DHX34: variants seen among roughly 807,000 people sequenced by gnomAD.
DHX34 encodes DExH-box helicase 34.
In DHX34, 96 loss-of-function variants were observed where a neutral mutation model predicts 111.1. That is an observed-to-expected ratio of 0.86 (90% CI 0.73 to 1.02). DHX34 has a LOEUF of 1.02. Among genes scored for constraint, DHX34 ranks in the 50% least tolerant of loss-of-function variants. The probability of loss-of-function intolerance (pLI) is 0.00; values close to 1 mark genes in which losing one functional copy is unlikely to be tolerated. For synonymous variants in DHX34, 688 were observed against 670.4 expected (o/e 1.03, Z -0.41); for missense variants, 1,560 against 1,579.9 (o/e 0.99, Z 0.21).
Position 47,355,284 on chromosome 19 carries a change from G to T in DHX34, c.951G>T (p.Ser317=). Reference sequence around the variant, plus strand: ...TCATGTCGGCCACCATCAACATCTCGCTCTTCTCCAGCTATTTCAGCAATG... The same window carrying T: ...TCATGTCGGCCACCATCAACATCTCTCTCTTCTCCAGCTATTTCAGCAATG... The part of the protein sequence containing the change: ...VILMSATINI[S]LFSSYFSNAP... The change falls in exon 3 of 17, where the codon TCG becomes TCT. Residue 317 remains serine (S), a synonymous_variant. Transcript: ENST00000328771. 6.2e-7 allele frequency: 1 copy of T among 1,614,008 alleles called. No individual in the cohort carries two copies. Among genetic ancestry groups the T allele is most frequent in the Admixed American group, 1.7e-5 (1 of 60,000 alleles).
At chr19:47,356,180 A>G (rs1020914311) in intron 3 of DHX34, among the ~76,000 whole-genome samples, 1 of 152,078 alleles carries the variant, frequency 6.6e-6, no homozygotes, top group Non-Finnish European at 1.5e-5. Flanking sequence ...AGACATTGCC[A>G]TATGTTCCCT....
intron 4 of DHX34, among the ~76,000 whole-genome samples, chr19:47,358,363 C>T (rs1279271847): frequency 6.6e-6 from 1 of 152,148 alleles, no homozygotes; most frequent in Admixed American, 6.6e-5. Context: ...GTCCTATCGA[C>T]CATGGGCTCT....
Position 47,382,197 on chromosome 19 carries a change from C to A in DHX34, c.*84C>A. Reference sequence around the variant, plus strand: ...AGGGGCAGGACTCTTGCCTGAACCCCCAGCCTGGGCTTAGCCCTGTGGTCC... The same window carrying A: ...AGGGGCAGGACTCTTGCCTGAACCCACAGCCTGGGCTTAGCCCTGTGGTCC... On this transcript the variant is annotated 3_prime_UTR_variant, in exon 17 of 17. Transcript: ENST00000328771. 1 of 1,556,924 alleles carries A rather than the reference C, an allele frequency of 6.4e-7. No individual in the cohort carries two copies. Among genetic ancestry groups the A allele is most frequent in the Middle Eastern group, 1.9e-4 (1 of 5,210 alleles).
At chr19:47,366,425 C>T (rs557937647) in intron 6 of DHX34, among the ~76,000 whole-genome samples, 2 of 152,208 alleles carry the variant, frequency 1.3e-5, no homozygotes, top group South Asian at 4.1e-4. Flanking sequence ...AGATTACAGG[C>T]ACTCGCCACC....
At chr19:47,381,950 CCT>C (rs1241561422) in intron 16 of DHX34, 28 bp from the exon 17 acceptor site, 17 of 1,613,740 alleles carry the variant, frequency 1.1e-5, no homozygotes, top group Non-Finnish European at 1.4e-5. Flanking sequence ...GGAACACGCC[CCT>C]CACAGCCTCC....
Position 47,352,756 on chromosome 19 carries a change from T to G in DHX34, c.-275T>G. 4.1e-6 allele frequency: 2 copies of G among 486,882 alleles called. No individual in the cohort carries two copies. The highest frequency in any genetic ancestry group is 6.9e-5 in the East Asian group (2 of 29,004). 30.2% of individuals were successfully genotyped at this position (486,882 alleles called of 1,614,324 possible). A position where few individuals can be genotyped will look rare whatever the true frequency, so the allele number is the denominator to read the frequency against. ...TGTCTTCTGTTCTCTCTCTTAAGAA[T>G]CCAGGGCCTGAAAACCCAGAATGAA... On this transcript the variant is annotated splice_region_variant and 5_prime_UTR_variant, in exon 2 of 17. Coordinates refer to ENST00000328771, the MANE Select transcript of DHX34 (RefSeq NM_014681.6).
Position 47,375,619 on chromosome 19 carries a change from C to T in DHX34, c.2218C>T (p.Arg740Trp), listed in dbSNP as rs533613084. The T allele has an allele frequency of 2.8e-5, 44 of 1,550,402 alleles. No individual in the cohort carries two copies. Among genetic ancestry groups the T allele is most frequent in the African/African-American group, 1.9e-4 (14 of 73,518 alleles). The change falls in exon 10 of 17, where the codon CGG (arginine) becomes TGG (tryptophan). Residue 740 changes from arginine to tryptophan, a missense_variant. Transcript: ENST00000328771. ...EGAGRRRKVLRLQEEQDGGSS... is the reference protein window; with the variant it reads ...EGAGRRRKVLWLQEEQDGGSS... ...CGCGGGGCGCAGGCGCAAGGTGCTG[C>T]GGCTGCAGGAGGAGCAGGACGGCGG...
chr19:47,353,800 C>A lies in DHX34; in HGVS notation c.705+65C>A. Reference sequence around the variant, plus strand: ...ACCTTGGGGGAATAGGTTGCTTGTCCATATGGCAGTATCAATAAAAATGAA... The same window carrying A: ...ACCTTGGGGGAATAGGTTGCTTGTCAATATGGCAGTATCAATAAAAATGAA... On this transcript the variant is annotated intron_variant, in intron 2 of 16. Coordinates refer to ENST00000328771, the MANE Select transcript of DHX34 (RefSeq NM_014681.6). The surrounding 1 kb of genome is among the most constrained non-coding windows in gnomAD (Gnocchi z 4.6). 7.2e-7 allele frequency: 1 copy of A among 1,380,566 alleles called. No individual in the cohort carries two copies. The highest frequency in any genetic ancestry group is 9.6e-7 in the Non-Finnish European group (1 of 1,040,502). 85.5% of individuals were successfully genotyped at this position (1,380,566 alleles called of 1,614,324 possible).
chr19:47,354,868 GA>G, intron 2 of DHX34, 170 bp from the exon 3 acceptor site: 1 of 746,992 alleles, frequency 1.3e-6, no homozygotes, highest in Non-Finnish European at 1.6e-6. Flanking sequence ...TAGTCAGGCG[GA>G]TCTCGAACTC....
intron 7 of DHX34, among the ~76,000 whole-genome samples, chr19:47,370,889 G>A (rs1303818445): frequency 6.6e-6 from 1 of 152,162 alleles, no homozygotes; most frequent in Non-Finnish European, 1.5e-5. Flanking sequence ...GGCCAGGCTA[G>A]TCTTGAACTC....
At chr19:47,365,704 C>G (rs1969769714) in intron 6 of DHX34, among the ~76,000 whole-genome samples, 1 of 152,174 alleles carries the variant, frequency 6.6e-6, no homozygotes, top group Admixed American at 6.6e-5. Context: ...TCTGAGCTTC[C>G]TTCTCGCTCT....
At chr19:47,381,515 C>T (rs1970358277) in intron 16 of DHX34, 191 bp downstream of exon 16, 3 of 772,496 alleles carry the variant, frequency 3.9e-6, no homozygotes, top group Non-Finnish European at 6.0e-6. Context: ...GCCTGGAGCG[C>T]CACCTCTTTC....
chr19:47,372,577 T>A (rs1969996597), intron 7 of DHX34, 153 bp from the exon 8 acceptor site: 1 of 984,262 alleles, frequency 1.0e-6, no homozygotes, highest in East Asian at 1.1e-4. Context: ...GCGCGTGGGT[T>A]TGAATCTCCA....
intron 8 of DHX34, 50 bp from the exon 9 acceptor site, chr19:47,373,549 T>C: frequency 6.3e-7 from 1 of 1,589,156 alleles, no homozygotes; most frequent in Non-Finnish European, 8.6e-7. Context: ...AGCCCCTCCC[T>C]CCCCGCACTG....
intron 7 of DHX34, among the ~76,000 whole-genome samples, chr19:47,369,930 G>A (rs568073485): frequency 6.6e-6 from 1 of 152,206 alleles, no homozygotes; most frequent in South Asian, 2.1e-4. Context: ...CTGATCTCAG[G>A]TCTTCAGTAG....
At chr19:47,357,756 T>C (rs1414791269) in intron 3 of DHX34, 110 bp from the exon 4 acceptor site, 7 of 1,440,842 alleles carry the variant, frequency 4.9e-6, no homozygotes, top group Non-Finnish European at 6.4e-6. Flanking sequence ...CGTTGCACTG[T>C]GTCTTCTCCG....
In DHX34 at chr19:47,362,580, C is replaced by T. The variant is rs373992735; in HGVS notation, c.1480C>T (p.Arg494Cys). 1 of 1,613,518 alleles carries T rather than the reference C, an allele frequency of 6.2e-7. No individual in the cohort carries two copies. Among genetic ancestry groups the T allele is most frequent in the Non-Finnish European group, 8.5e-7 (1 of 1,179,912 alleles). Residue 494 changes from arginine (R) to cysteine (C), a missense_variant, in exon 6 of 17, where the codon CGC becomes TGC. Coordinates refer to ENST00000328771, the MANE Select transcript of DHX34 (RefSeq NM_014681.6). The part of the protein sequence containing the change: ...SAEQRKGRAG[R>C]TGPGVCFRLY... ...AGAGCAGCGGAAGGGCCGGGCGGGC[C>T]GCACGGGCCCCGGAGTCTGCTTCCG...
chr19:47,359,055 C>T (rs1969546314), intron 4 of DHX34, among the ~76,000 whole-genome samples: 1 of 152,164 alleles, frequency 6.6e-6, no homozygotes, highest in Non-Finnish European at 1.5e-5. Flanking sequence ...CTCTGGCTGC[C>T]ATGTGAGTCT....
chr19:47,366,559 G>T (rs979051623), intron 6 of DHX34, among the ~76,000 whole-genome samples: 23 of 151,282 alleles, frequency 1.5e-4, no homozygotes, highest in Non-Finnish European at 3.2e-4. Context: ...AGGATTACAG[G>T]CATGAGCCAC....
Sources: allele counts gnomAD v4.1 joint callset (sites outside exome capture counted in the v4.1 genomes callset), GRCh38; gene constraint gnomAD v4.1.1; non-coding constraint Gnocchi (gnomAD v3.1); transcripts MANE v1.5; gene names NCBI Gene and HGNC (gene_info 2026-07-23, HGNC 2026-07-21).